DYDC2: variants seen among roughly 807,000 people sequenced by gnomAD.
DYDC2 encodes DPY30 domain-containing protein 2.
Under a neutral mutation model 18.7 loss-of-function variants are expected in DYDC2, and 19 were observed. The observed-to-expected ratio is 1.02, with a 90% CI of 0.71 to 1.49. The LOEUF is 1.49. Among genes scored for constraint, DYDC2 ranks in the 40% most tolerant of loss-of-function variants. The pLI, the probability that DYDC2 is intolerant of heterozygous loss-of-function variation, is 0.00. For synonymous variants in DYDC2, 63 were observed against 67.6 expected (o/e 0.93, Z 0.34); for missense variants, 179 against 205.1 (o/e 0.87, Z 0.78).
chr10:80,359,645 C>T (rs1207432565), intron 2 of DYDC2, among the ~76,000 whole-genome samples: 3 of 152,162 alleles, frequency 2.0e-5, no homozygotes, highest in Non-Finnish European at 4.4e-5. Flanking sequence ...CGTGGGGAGG[C>T]AGTAGAGGCC....
At chr10:80,355,470 A>G (rs1307418592), upstream of DYDC2, among the ~76,000 whole-genome samples, 4 of 152,096 alleles carry the variant, frequency 2.6e-5, no homozygotes, top group South Asian at 6.2e-4. Flanking sequence ...TGACTCATCA[A>G]TCTTGCTTCT....
chr10:80,362,332 CT>C, intron 2 of DYDC2, 102 bp from the exon 3 acceptor site: 1 of 1,445,930 alleles, frequency 6.9e-7, no homozygotes, highest in Admixed American at 2.1e-5. Context: ...CCAGAAGCAT[CT>C]CATATTTATC....
At chr10:80,359,283 T>C (rs1411630015) in intron 2 of DYDC2, among the ~76,000 whole-genome samples, 3 of 152,186 alleles carry the variant, frequency 2.0e-5, no homozygotes, top group East Asian at 3.9e-4. Context: ...GATTGGTGCA[T>C]TTACAAACCT....
intron 4 of DYDC2, among the ~76,000 whole-genome samples, chr10:80,365,828 T>C (rs187823657): frequency 1.3e-5 from 2 of 152,280 alleles, no homozygotes; most frequent in African/African-American, 4.8e-5. Context: ...ATTCTGTGGA[T>C]TTTTTCACTT....
At chr10:80,359,801 C>T (rs1314567320) in intron 2 of DYDC2, among the ~76,000 whole-genome samples, 1 of 152,200 alleles carries the variant, frequency 6.6e-6, no homozygotes, top group Non-Finnish European at 1.5e-5. Flanking sequence ...GCCCACCAAG[C>T]CCGCGCCCAC....
intron 1 of DYDC2, among the ~76,000 whole-genome samples, chr10:80,347,701 G>A (rs1016100863): frequency 6.6e-6 from 1 of 152,130 alleles, no homozygotes; most frequent in African/African-American, 2.4e-5. Context: ...ACCGTTCATT[G>A]AAGAGACTAT....
chr10:80,356,156 C>T (rs1331302991), upstream of DYDC2: 1 of 809,512 alleles, frequency 1.2e-6, no homozygotes, highest in Non-Finnish European at 1.5e-6. Flanking sequence ...CAGTGGGACC[C>T]AGGCAAGGCC....
chr10:80,362,995 C>T lies in DYDC2; in HGVS notation c.192C>T (p.Ser64=), dbSNP rs1554848077. Residue 64 remains serine (S), a synonymous_variant, in exon 4 of 5, where the codon AGC becomes AGT. Coordinates refer to ENST00000256039, the MANE Select transcript of DYDC2 (RefSeq NM_032372.6). ...KIHLQEEYDS[S]LKEMEMTEML... Reference sequence around the variant, plus strand: ...ACCTGCAGGAGGAATATGACAGTAGCCTCAAGGAAATGGAAATGACAGAAA... The same window carrying T: ...ACCTGCAGGAGGAATATGACAGTAGTCTCAAGGAAATGGAAATGACAGAAA... The T allele has an allele frequency of 1.2e-6, 2 of 1,613,898 alleles. No individual in the cohort carries two copies. Among genetic ancestry groups the T allele is most frequent in the Non-Finnish European group, 1.7e-6 (2 of 1,179,964 alleles).
At chr10:80,349,233 C>T (rs1210285497) in intron 1 of DYDC2, among the ~76,000 whole-genome samples, 1 of 152,206 alleles carries the variant, frequency 6.6e-6, no homozygotes, top group East Asian at 1.9e-4. Context: ...ATAGACCACA[C>T]TAACGCTGAA....
intron 1 of DYDC2, among the ~76,000 whole-genome samples, chr10:80,357,159 AG>A (rs1843433185): frequency 8.7e-6 from 1 of 114,516 alleles, no homozygotes; most frequent in Admixed American, 1.0e-4. Context: ...AGCGCGCACG[AG>A]GGGGCAACGG....
At position 80,361,004 on chromosome 10, in the gene DYDC2, C is replaced by T. The variant is rs138530283; in HGVS notation, c.-9-1431C>T. Among the ~76,000 whole-genome samples the T allele has an allele frequency of 5.1e-3, 770 of 152,172 alleles. 4 individuals carry two copies. Among genetic ancestry groups the T allele is most frequent in the African/African-American group, 0.018 (736 of 41,504 alleles). Reference sequence around the variant, plus strand: ...CCCAGGCTGGTATCAAACCCCTGAGCTCAAGTGATCCTCCTGCCTCAGCCT... The same window carrying T: ...CCCAGGCTGGTATCAAACCCCTGAGTTCAAGTGATCCTCCTGCCTCAGCCT... On this transcript the variant is annotated intron_variant, in intron 2 of 4. Transcript: ENST00000256039.
chr10:80,350,312 G>A (rs1466375837), intron 1 of DYDC2, among the ~76,000 whole-genome samples: 1 of 152,230 alleles, frequency 6.6e-6, no homozygotes, highest in East Asian at 1.9e-4. Flanking sequence ...GAGCCGAAGA[G>A]AGTTATGTAT....
At chr10:80,357,203 G>A (rs1229791033) in intron 1 of DYDC2, among the ~76,000 whole-genome samples, 1 of 149,558 alleles carries the variant, frequency 6.7e-6, no homozygotes, top group African/African-American at 2.5e-5. Flanking sequence ...GAAGGGGAGC[G>A]TGGCAGAGAG....
chr10:80,346,614 C>T (rs1238712698), intron 1 of DYDC2, among the ~76,000 whole-genome samples: 1 of 151,700 alleles, frequency 6.6e-6, no homozygotes, highest in African/African-American at 2.4e-5. Flanking sequence ...GCGCCCGCCA[C>T]CACGCCCGGC....
chr10:80,347,101 A>G (rs540901201), intron 1 of DYDC2, among the ~76,000 whole-genome samples: 1 of 151,646 alleles, frequency 6.6e-6, no homozygotes, highest in African/African-American at 2.4e-5. Context: ...AAAAAAAAGC[A>G]GCCATCCTAA....
intron 2 of DYDC2, among the ~76,000 whole-genome samples, chr10:80,358,960 T>C (rs902116177): frequency 2.6e-5 from 4 of 152,146 alleles, no homozygotes; most frequent in Admixed American, 6.5e-5. Context: ...GTGTTACAGC[T>C]CATAAAGGCA....
At chr10:80,353,729 C>T (rs1189621534), upstream of DYDC2, among the ~76,000 whole-genome samples, 8 of 151,824 alleles carry the variant, frequency 5.3e-5, no homozygotes. Flanking sequence ...TGTGCCTGGG[C>T]TTGCTCATCT....
chr10:80,359,765 T>C (rs1459114813), intron 2 of DYDC2, among the ~76,000 whole-genome samples: 1 of 152,138 alleles, frequency 6.6e-6, no homozygotes, highest in Non-Finnish European at 1.5e-5. Flanking sequence ...GGGCCTGCAG[T>C]GCTGGCCGGC....
chr10:80,359,955 G>A (rs1317651247), intron 2 of DYDC2, among the ~76,000 whole-genome samples: 2 of 152,346 alleles, frequency 1.3e-5, no homozygotes, highest in East Asian at 3.9e-4. Flanking sequence ...GGGCTGAAGG[G>A]CTCCTCAAGC....
Sources: gnomAD v4.1 joint callset for allele counts (sites outside exome capture counted in the v4.1 genomes callset) on GRCh38, gnomAD v4.1.1 for gene constraint, MANE v1.5 for transcripts, NCBI Gene and HGNC (gene_info 2026-07-23, HGNC 2026-07-21) for gene names.